Variants in DNM3 observed in about 807,000 individuals in gnomAD.
DNM3 encodes dynamin-3.
Under a neutral mutation model 101.6 loss-of-function variants are expected in DNM3, and 47 were observed. The observed-to-expected ratio is 0.46, with a 90% confidence interval of 0.37 to 0.59. The LOEUF (loss-of-function observed/expected upper bound fraction) is 0.59. DNM3 is among the 20% of genes least tolerant of loss of function. The pLI, the probability that DNM3 is intolerant of heterozygous loss-of-function variation, is 0.00. For missense variants in DNM3, 849 were observed against 1,085.7 expected (o/e 0.78, Z 3.06); for synonymous variants, 385 against 387.9 (o/e 0.99, Z 0.09).
chr1:172,138,351 C>CAAAAAAAAAAAAAA (rs926351922), intron 14 of DNM3: 1 of 60,230 alleles, frequency 1.7e-5, no homozygotes, highest in African/African-American at 5.9e-5. Flanking sequence ...TATCCCCTTC[C>CAAAAAAAAAAAAAA]AAAAAAAAAA....
intron 14 of DNM3, among the ~76,000 whole-genome samples, chr1:172,238,829 A>G (rs1027778634): frequency 6.6e-6 from 1 of 152,038 alleles, no homozygotes; most frequent in Admixed American, 6.6e-5. Context: ...AGGATAAGAA[A>G]AAAAAAAAAC....
exon 21 of DNM3, chr1:172,418,397 C>T (rs781681654): frequency 1.1e-4 from 131 of 1,142,852 alleles, no homozygotes; most frequent in Middle Eastern, 2.4e-4. Flanking sequence ...CACTATATGT[C>T]GTATGTACAT....
At chr1:172,129,978 G>A (rs1419687832) in intron 13 of DNM3, among the ~76,000 whole-genome samples, 2 of 152,096 alleles carry the variant, frequency 1.3e-5, no homozygotes, top group African/African-American at 4.8e-5. Flanking sequence ...AGGCAATGCT[G>A]AAACAGGGAA....
intron 1 of DNM3, 57 bp downstream of exon 1, chr1:171,841,874 C>G: frequency 6.4e-7 from 1 of 1,554,386 alleles, no homozygotes; most frequent in South Asian, 1.2e-5. Flanking sequence ...CGCTGCGGGC[C>G]GTTGGAACGT....
intron 2 of DNM3, among the ~76,000 whole-genome samples, chr1:171,954,622 G>A (rs758996813): frequency 2.6e-5 from 4 of 152,086 alleles, no homozygotes; most frequent in African/African-American, 4.8e-5. Flanking sequence ...TGTGGGCAGC[G>A]GCGTTTTACA....
chr1:172,067,383 T>G (rs781247676), intron 10 of DNM3, among the ~76,000 whole-genome samples: 109 of 152,290 alleles, frequency 7.2e-4, no homozygotes, highest in Admixed American at 1.9e-3. Flanking sequence ...GAAGCCACCA[T>G]TATTTCCATT....
chr1:172,317,018 CAGA>C (rs2065406907), intron 16 of DNM3, among the ~76,000 whole-genome samples: 1 of 152,110 alleles, frequency 6.6e-6, no homozygotes. Flanking sequence ...ATTAAAAGAA[CAGA>C]AGTTATAACA....
At chr1:171,912,649 C>G (rs1376242545) in intron 1 of DNM3, among the ~76,000 whole-genome samples, 1 of 152,228 alleles carries the variant, frequency 6.6e-6, no homozygotes, top group African/African-American at 2.4e-5. Context: ...GAAATCAGAA[C>G]CTTTTAAAGG....
At chr1:172,339,017 A>G (rs2066569746) in intron 17 of DNM3, 1 of 474,486 alleles carries the variant, frequency 2.1e-6, no homozygotes, top group Non-Finnish European at 4.2e-6. Context: ...TCTCTTGATC[A>G]TGATGTTCAT....
In DNM3 at chr1:172,302,586, C is replaced by T. The variant is rs566341024; in HGVS notation, c.1770-6142C>T. Among the ~76,000 whole-genome samples, 1,061 of 152,326 alleles carry T rather than the reference C, an allele frequency of 7.0e-3. 9 individuals are homozygous for T. The highest frequency in any genetic ancestry group is 0.024 in the African/African-American group (1,005 of 41,564). On this transcript the variant is annotated intron_variant, in intron 15 of 20. Coordinates refer to ENST00000627582, the MANE Select transcript of DNM3 (RefSeq NM_015569.5). Reference sequence around the variant, plus strand: ...GCCTCCTCAAGTGGGTCCATGACCCCTGTGTAGCCTAACTGGGAGACACCT... The same window carrying T: ...GCCTCCTCAAGTGGGTCCATGACCCTTGTGTAGCCTAACTGGGAGACACCT...
At chr1:172,021,634 G>A (rs1050022427) in intron 4 of DNM3, among the ~76,000 whole-genome samples, 7 of 152,140 alleles carry the variant, frequency 4.6e-5, no homozygotes, top group Non-Finnish European at 8.8e-5. Flanking sequence ...CTAATAAGAG[G>A]TATAGGTGGG....
rs548440562 is a variant in DNM3, at chr1:171,945,275, G to T, written c.235+23454G>T. Among the ~76,000 whole-genome samples, 169 of 151,934 alleles carry T rather than the reference G, an allele frequency of 1.1e-3. No individual in the cohort carries two copies. In the Middle Eastern group the frequency reaches 0.02, roughly 18 times the overall value. On this transcript the variant is annotated intron_variant, in intron 2 of 20. Transcript: ENST00000627582. ...GAGAAACCAATTATTTGCATTTTTG[G>T]TTCACAGGGTTTCATTTAAGAGACT...
At chr1:172,338,109 G>A (rs1320086980) in intron 17 of DNM3, among the ~76,000 whole-genome samples, 2 of 151,690 alleles carry the variant, frequency 1.3e-5, no homozygotes, top group African/African-American at 4.8e-5. Context: ...TAGAGACGGG[G>A]TTTCATCATG....
chr1:172,407,650 C>A, intron 20 of DNM3, 122 bp from the exon 21 acceptor site: 1 of 911,092 alleles, frequency 1.1e-6, no homozygotes, highest in South Asian at 1.4e-5. Flanking sequence ...CAGATCATAA[C>A]CACTTCTGCT....
intron 15 of DNM3, among the ~76,000 whole-genome samples, chr1:172,260,832 G>T (rs1438876749): frequency 6.6e-6 from 1 of 151,936 alleles, no homozygotes; most frequent in Non-Finnish European, 1.5e-5. Flanking sequence ...ATTAACACAA[G>T]ATATGCAACA....
chr1:172,154,092 T>A (rs916547710), intron 14 of DNM3, among the ~76,000 whole-genome samples: 1 of 152,100 alleles, frequency 6.6e-6, no homozygotes, highest in African/African-American at 2.4e-5. Flanking sequence ...ATATCTTATC[T>A]TTCTAACTTG....
intron 15 of DNM3, among the ~76,000 whole-genome samples, chr1:172,263,670 T>A (rs750629282): frequency 2.6e-5 from 4 of 152,178 alleles, no homozygotes; most frequent in Non-Finnish European, 5.9e-5. Context: ...TTATTCACTA[T>A]CATGAGAACA....
intron 17 of DNM3, chr1:172,376,048 T>G (rs2149048307): frequency 6.6e-6 from 1 of 152,180 alleles, no homozygotes; most frequent in East Asian, 1.9e-4. Flanking sequence ...ACTTAAAACT[T>G]TATATAACAG....
chr1:172,329,891 A>G lies in DNM3; in HGVS notation c.1893+6551A>G, dbSNP rs914622219. Among the ~76,000 whole-genome samples, 72 of 152,234 alleles carry G rather than the reference A, an allele frequency of 4.7e-4. 1 individual carries two copies. The highest frequency in any genetic ancestry group is 1.7e-3 in the African/African-American group (70 of 41,458). On this transcript the variant is annotated intron_variant, in intron 17 of 20. Transcript: ENST00000627582. ...AATTAATATATGACAAAAAGTTTCA[A>G]TTTCACTAGGAACCAAGAAGTGTAA...
Sources: allele counts gnomAD v4.1 joint callset (sites outside exome capture counted in the v4.1 genomes callset), GRCh38; gene constraint gnomAD v4.1.1; transcripts MANE v1.5; gene names NCBI Gene and HGNC (gene_info 2026-07-23, HGNC 2026-07-21).